The following CASK variants were observed in gnomAD, a reference collection of about 807,000 sequenced individuals.
CASK encodes calcium/calmodulin dependent serine protein kinase.
Under a neutral mutation model 82.9 loss-of-function variants are expected in CASK, and 4 were observed. That is an observed-to-expected ratio of 0.05 (90% CI 0.02 to 0.11). CASK has a LOEUF of 0.11. Ranked by LOEUF, CASK falls within the 10% of genes least tolerant of loss-of-function variation. The pLI, the probability that CASK is intolerant of heterozygous loss-of-function variation, is 1.00. For missense variants in CASK, 358 were observed against 720.9 expected (o/e 0.50, Z 5.76); for synonymous variants, 259 against 253.5 (o/e 1.02, Z -0.20).
At chrX:41,741,902 T>C (rs1023718174) in intron 4 of CASK, among the ~76,000 whole-genome samples, 3 of 112,150 alleles carry the variant, frequency 2.7e-5, no homozygotes, top group African/African-American at 9.7e-5. Context: ...TATTTGTTTA[T>C]CTTTATCTTT....
At chrX:41,820,164 A>G (rs1420312004) in intron 2 of CASK, among the ~76,000 whole-genome samples, 1 of 110,935 alleles carries the variant, frequency 9.0e-6, no homozygotes, top group Admixed American at 9.6e-5. Context: ...TGAGATCAAT[A>G]TAAGATCACT....
intron 3 of CASK, among the ~76,000 whole-genome samples, chrX:41,762,274 T>C (rs1289711589): frequency 8.9e-6 from 1 of 112,117 alleles, no homozygotes; most frequent in Non-Finnish European, 1.9e-5. Context: ...GGTAAAACTA[T>C]GTAGTGTTGT....
chrX:41,719,437 G>C (rs1451623633), intron 5 of CASK, among the ~76,000 whole-genome samples: 1 of 111,978 alleles, frequency 8.9e-6, no homozygotes, highest in Admixed American at 9.4e-5. Context: ...CTTTGAGTTT[G>C]TGTATGTGTT....
At chrX:41,806,268 C>T (rs895691787) in intron 2 of CASK, among the ~76,000 whole-genome samples, 2 of 112,020 alleles carry the variant, frequency 1.8e-5, no homozygotes, top group African/African-American at 6.5e-5. Flanking sequence ...TGATGTACTT[C>T]TCTGCCTCAC....
chrX:41,783,017 C>A (rs184769523), intron 3 of CASK, among the ~76,000 whole-genome samples: 1 of 107,530 alleles, frequency 9.3e-6, no homozygotes, highest in African/African-American at 3.4e-5. Context: ...TGGTGGCATG[C>A]GCCTGTAGTC....
In CASK at chrX:41,526,770, TCTC is replaced by T. The variant is rs750683649; in HGVS notation, c.2521-2739_2521-2737del. Among the ~76,000 whole-genome samples, 12 of 112,224 alleles carry T rather than the reference TCTC, an allele frequency of 1.1e-4. No individual in the cohort carries two copies. The East Asian group carries it at 3.3e-3, about 31-fold the overall frequency. The stretch of plus-strand genomic sequence containing the variant: ...AGCCCTGTGGTTAGCATATTTGCTT[TCTC>T]CTCCTTTTTGTAGCTTTTTCTATTT... On this transcript the variant is annotated intron_variant, in intron 25 of 26. Transcript: ENST00000378163.
At position 41,786,708 on chromosome X, in the gene CASK, T is replaced by C. The variant is rs149444605; in HGVS notation, c.278+470A>G. 7.8e-4 allele frequency: 113 copies of C among 145,792 alleles called. 1 individual carries two copies. The highest frequency in any genetic ancestry group is 3.4e-3 in the African/African-American group (108 of 31,646). The allele number at this position is 145,792 out of a possible 1,213,427, so 12.0% of individuals were successfully genotyped here. A position where few individuals can be genotyped will look rare whatever the true frequency, so the allele number is the denominator to read the frequency against. On this transcript the variant is annotated intron_variant, in intron 3 of 26. Coordinates refer to ENST00000378163, the MANE Select transcript of CASK (RefSeq NM_001367721.1). ...ACCAACAAAAAGTCTGCGACAGACATATCAAGTGACTTATTGAAATCAAGA... is the reference window on the plus strand; with the variant it reads ...ACCAACAAAAAGTCTGCGACAGACACATCAAGTGACTTATTGAAATCAAGA...
chrX:41,734,188 G>C (rs983143296), intron 5 of CASK, among the ~76,000 whole-genome samples: 2 of 112,186 alleles, frequency 1.8e-5, no homozygotes, highest in Non-Finnish European at 3.8e-5. Context: ...AGAATAGAAA[G>C]TGATTGTGGG....
At chrX:41,619,995 G>A (rs2066262157) in intron 11 of CASK, among the ~76,000 whole-genome samples, 1 of 112,486 alleles carries the variant, frequency 8.9e-6, no homozygotes, top group African/African-American at 3.2e-5. Context: ...AGATTGCAAT[G>A]CTTATTTTTC....
At chrX:41,612,394 G>C (rs1205836837) in intron 11 of CASK, among the ~76,000 whole-genome samples, 1 of 99,716 alleles carries the variant, frequency 1.0e-5, no homozygotes, top group Non-Finnish European at 2.0e-5. Flanking sequence ...CAACCGCCCC[G>C]TCTGAGAAGT....
At chrX:41,612,335 G>A (rs1410656685) in intron 11 of CASK, among the ~76,000 whole-genome samples, 1 of 106,982 alleles carries the variant, frequency 9.3e-6, no homozygotes, top group Non-Finnish European at 1.9e-5. Flanking sequence ...GGTGAGGAGC[G>A]TCTCTGCCCA....
chrX:41,563,040 CA>C (rs141364032), intron 16 of CASK, among the ~76,000 whole-genome samples: 469 of 22,180 alleles, frequency 0.021, no homozygotes, highest in African/African-American at 0.086. Flanking sequence ...GACTCCATCT[CA>C]AAAAAAAAAA....
chrX:41,735,194 A>C (rs2068475774), intron 5 of CASK, among the ~76,000 whole-genome samples: 1 of 111,761 alleles, frequency 8.9e-6, no homozygotes, highest in South Asian at 3.7e-4. Context: ...TTAGAGAAAT[A>C]AAATATTGCA....
intron 4 of CASK, among the ~76,000 whole-genome samples, chrX:41,743,913 G>C (rs936021884): frequency 1.8e-5 from 2 of 110,777 alleles, no homozygotes; most frequent in Non-Finnish European, 3.8e-5. Context: ...TTCAAGATCA[G>C]CCTGGCCAAC....
At chrX:41,797,266 C>T (rs2069877589) in intron 2 of CASK, among the ~76,000 whole-genome samples, 1 of 109,781 alleles carries the variant, frequency 9.1e-6, no homozygotes, top group Non-Finnish European at 1.9e-5. Context: ...CTCTCTGTCC[C>T]CTGACAAATG....
At chrX:41,915,364 T>TTGATGGA (rs2072655615) in intron 1 of CASK, among the ~76,000 whole-genome samples, 1 of 112,549 alleles carries the variant, frequency 8.9e-6, no homozygotes, top group Non-Finnish European at 1.9e-5. Context: ...GACAGATACA[T>TTGATGGA]TGATGGATAT....
chrX:41,898,684 T>A (rs758927887), intron 1 of CASK, among the ~76,000 whole-genome samples: 99 of 112,273 alleles, frequency 8.8e-4, no homozygotes, highest in African/African-American at 3.1e-3. Context: ...AATTTCTTCT[T>A]TGATCCACTG....
rs373844103 is a variant in CASK at position 41,887,235 on chromosome X, T to C, written c.60-34008A>G. ...CATAGGTACATCCCAAACTAAGTTT[T>C]CATAGGTTTTTCCCCTCTAGCTTCT... On this transcript the variant is annotated intron_variant, in intron 1 of 26. Transcript: ENST00000378163. 6.5e-5 allele frequency among the ~76,000 whole-genome samples: 7 copies of C among 108,346 alleles called. No individual in the cohort carries two copies. The East Asian group carries it at 1.7e-3, about 27-fold the overall frequency. 94.1% of individuals were successfully genotyped at this position (108,346 alleles called of 115,157 possible).
chrX:41,892,381 G>A (rs753508524), intron 1 of CASK, among the ~76,000 whole-genome samples: 14 of 110,244 alleles, frequency 1.3e-4, no homozygotes, highest in Non-Finnish European at 2.7e-4. Flanking sequence ...CACCTAGGCT[G>A]GAGTGCAGTG....
Sources: gnomAD v4.1 joint callset for allele counts (sites outside exome capture counted in the v4.1 genomes callset) on GRCh38, gnomAD v4.1.1 for gene constraint, MANE v1.5 for transcripts, NCBI Gene and HGNC (gene_info 2026-07-23, HGNC 2026-07-21) for gene names.